CACNG8: variants seen among roughly 807,000 people sequenced by gnomAD.
CACNG8 encodes the protein voltage-dependent calcium channel gamma-8 subunit.
In CACNG8, 5 loss-of-function variants were observed where a neutral mutation model predicts 26.9. That is an observed-to-expected ratio of 0.19 (90% CI 0.10 to 0.39). The LOEUF (loss-of-function observed/expected upper bound fraction) is 0.39. Among genes scored for constraint, CACNG8 ranks in the 10% least tolerant of loss-of-function variants. The pLI, the probability that CACNG8 is intolerant of heterozygous loss-of-function variation, is 1.00. For missense variants in CACNG8, 473 were observed against 609.4 expected (o/e 0.78, Z 2.36); for synonymous variants, 321 against 296.7 (o/e 1.08, Z -0.84).
intron 1 of CACNG8, among the ~76,000 whole-genome samples, chr19:53,973,805 G>A (rs968826372): frequency 1.8e-4 from 27 of 151,818 alleles, no homozygotes; most frequent in Admixed American, 1.8e-3. Flanking sequence ...CAGCCTGGTC[G>A]ACAGAGTGAG....
At chr19:53,963,702 C>A (rs776687022) in intron 1 of CACNG8, among the ~76,000 whole-genome samples, 2 of 152,022 alleles carry the variant, frequency 1.3e-5, no homozygotes, top group Non-Finnish European at 2.9e-5. Context: ...TTCCCTAGTC[C>A]GTGTCTCCTG....
At chr19:53,977,157 A>G (rs1038434765) in intron 1 of CACNG8, among the ~76,000 whole-genome samples, 1 of 152,148 alleles carries the variant, frequency 6.6e-6, no homozygotes, top group Non-Finnish European at 1.5e-5. Context: ...AAACTGACCC[A>G]AGTTCGGTGG....
In CACNG8 at chr19:53,969,354, A is replaced by G. The variant is rs114521349; in HGVS notation, c.283+5929A>G. ...AGAAGAAGTGAAGCTCAGAGAGGTG[A>G]AGTGAGTTGCCCAAGATCACACAGT... On this transcript the variant is annotated intron_variant, in intron 1 of 3. Transcript: ENST00000270458. 9.2e-3 allele frequency among the ~76,000 whole-genome samples: 1,396 copies of G among 152,162 alleles called. 24 individuals are homozygous for G. The highest frequency in any genetic ancestry group is 0.032 in the African/African-American group (1,318 of 41,500).
intron 3 of CACNG8, among the ~76,000 whole-genome samples, chr19:53,981,403 C>T (rs2069367455): frequency 6.6e-6 from 1 of 150,926 alleles, no homozygotes; most frequent in Non-Finnish European, 1.5e-5. Flanking sequence ...GGGCCTGGAC[C>T]GCTTGGGGTG....
chr19:53,972,346 C>T, intron 1 of CACNG8, among the ~76,000 whole-genome samples: 2 of 137,910 alleles, frequency 1.5e-5, no homozygotes, highest in African/African-American at 5.5e-5. Context: ...TTTCTTTCTT[C>T]TCTTTTCTTC....
At position 53,982,117 on chromosome 19, in the gene CACNG8, C is replaced by A; in HGVS notation, c.546C>A (p.Ser182=). 6.2e-7 allele frequency: 1 copy of A among 1,605,694 alleles called. No individual in the cohort carries two copies. Among genetic ancestry groups the A allele is most frequent in the Non-Finnish European group, 8.5e-7 (1 of 1,176,422 alleles). Residue 182 remains serine (S), a synonymous_variant, in exon 4 of 4, where the codon TCC becomes TCA. Transcript: ENST00000270458. This position sits in a 1 kb window ranked among gnomAD's most constrained non-coding sequence, Gnocchi z 8.4. Reference sequence around the variant, plus strand: ...TCATCGGCGTGATCGTGTACATCTCCGCCAACGCGGGCGAGCCGGGCCCGA... The same window carrying A: ...TCATCGGCGTGATCGTGTACATCTCAGCCAACGCGGGCGAGCCGGGCCCGA...
rs57220250 is a variant in CACNG8 at position 53,988,271 on chromosome 19, A to AGTGTGTGTGTGTGT, written c.*5443_*5456dup. The AGTGTGTGTGTGTGT allele has an allele frequency of 7.6e-5, 11 of 144,250 alleles. No homozygotes were observed. Among genetic ancestry groups the AGTGTGTGTGTGTGT allele is most frequent in the African/African-American group, 2.4e-4 (9 of 37,874 alleles). 8.9% of individuals were successfully genotyped at this position (144,250 alleles called of 1,614,324 possible). Reference sequence around the variant, plus strand: ...GACAGAAGGAAAGGGAATTCAGGCAAGTGTGTGTGTGTGTGTGTGTGTGTG... The same window carrying AGTGTGTGTGTGTGT: ...GACAGAAGGAAAGGGAATTCAGGCAAGTGTGTGTGTGTGTGTGTGTGTGTGTGTGTGTGTGTGTG... On this transcript the variant is annotated 3_prime_UTR_variant, in exon 4 of 4. Coordinates refer to ENST00000270458, the MANE Select transcript of CACNG8 (RefSeq NM_031895.6).
chr19:53,983,877 C>T lies in CACNG8; in HGVS notation c.*1028C>T, dbSNP rs1263062693. On this transcript the variant is annotated 3_prime_UTR_variant, in exon 4 of 4. Transcript: ENST00000270458. Reference sequence around the variant, plus strand: ...GGGGATCAAGGTGAGGCCGGAGACACAGACAGGGCCAGATTGTGCAGGGGC... The same window carrying T: ...GGGGATCAAGGTGAGGCCGGAGACATAGACAGGGCCAGATTGTGCAGGGGC... The T allele has an allele frequency of 2.0e-5, 3 of 152,694 alleles. No homozygotes were observed. Among genetic ancestry groups the T allele is most frequent in the African/African-American group, 7.2e-5 (3 of 41,454 alleles). 9.5% of individuals were successfully genotyped at this position (152,694 alleles called of 1,614,324 possible). A position where few individuals can be genotyped will look rare whatever the true frequency, so the allele number is the denominator to read the frequency against.
intron 1 of CACNG8, among the ~76,000 whole-genome samples, chr19:53,972,554 G>A (rs12463378): frequency 0.35 from 53,113 of 150,738 alleles, 9,769 homozygotes; most frequent in Middle Eastern, 0.52. Context: ...AAGAGACAGG[G>A]TTTCACCACA....
intron 1 of CACNG8, among the ~76,000 whole-genome samples, chr19:53,975,726 C>T (rs117814943): frequency 0.014 from 2,140 of 152,308 alleles, 24 homozygotes; most frequent in Non-Finnish European, 0.019. Flanking sequence ...ACTCAATATG[C>T]ACTAGGCACT....
At position 53,989,439 on chromosome 19, in the gene CACNG8, G is replaced by C. The variant is rs2069427245; in HGVS notation, c.*6590G>C. On this transcript the variant is annotated 3_prime_UTR_variant, in exon 4 of 4. Coordinates refer to ENST00000270458, the MANE Select transcript of CACNG8 (RefSeq NM_031895.6). The stretch of plus-strand genomic sequence containing the variant: ...GAGACGTAAGCCGGAGAAAGACCCA[G>C]AGATTCGCATAGAAAGCAACGTGGA... The C allele has an allele frequency of 6.6e-6, 1 of 152,644 alleles. No individual in the cohort carries two copies. The highest frequency in any genetic ancestry group is 2.1e-4 in the South Asian group (1 of 4,798). The allele number at this position is 152,644 out of a possible 1,614,324, so 9.5% of individuals were successfully genotyped here. A position where few individuals can be genotyped will look rare whatever the true frequency, so the allele number is the denominator to read the frequency against.
chr19:53,980,049 GGCGC>G lies in CACNG8; in HGVS notation c.508+45_508+48del, dbSNP rs1568801620. 2.6e-6 allele frequency: 4 copies of G among 1,557,894 alleles called. No individual in the cohort carries two copies. The South Asian group carries it at 4.7e-5, about 18-fold the overall frequency. ...GGGGGCGACCGGGGCGGCCCACCTG[GGCGC>G]GCACGTGTGTGTGTGTGTGTGTGTG... On this transcript the variant is annotated intron_variant, in intron 3 of 3. Coordinates refer to ENST00000270458, the MANE Select transcript of CACNG8 (RefSeq NM_031895.6).
chr19:53,982,044 T>C lies in CACNG8; in HGVS notation c.509-36T>C. 1.3e-6 allele frequency: 2 copies of C among 1,482,892 alleles called. No homozygotes were observed. The highest frequency in any genetic ancestry group is 1.3e-5 in the South Asian group (1 of 76,206). The allele number at this position is 1,482,892 out of a possible 1,614,324, so 91.9% of individuals were successfully genotyped here. A position where few individuals can be genotyped will look rare whatever the true frequency, so the allele number is the denominator to read the frequency against. On this transcript the variant is annotated intron_variant, in intron 3 of 3. Transcript: ENST00000270458. The surrounding 1 kb of genome is among the most constrained non-coding windows in gnomAD (Gnocchi z 8.4). The stretch of plus-strand genomic sequence containing the variant: ...CCGGGGGCGGGGGCGGGGCCGGGGG[T>C]GGCCTCGAGGCTCCCGTCTGACCGT...
intron 1 of CACNG8, among the ~76,000 whole-genome samples, chr19:53,972,022 T>G (rs981317814): frequency 6.6e-6 from 1 of 152,106 alleles, no homozygotes; most frequent in Non-Finnish European, 1.5e-5. Context: ...TCTCTCTCTG[T>G]CCCCCAGGCT....
At position 53,963,225 on chromosome 19, in the gene CACNG8, C is replaced by T; in HGVS notation, c.83C>T (p.Ala28Val). 1 of 1,608,440 alleles carries T rather than the reference C, an allele frequency of 6.2e-7. No individual in the cohort carries two copies. Among genetic ancestry groups the T allele is most frequent in the Non-Finnish European group, 8.5e-7 (1 of 1,178,370 alleles). ...CAGGTGCTGCTGACGACGGTGGGCG[C>T]CTTCGCCGCCTTCGGCCTCATGACC... The change falls in exon 1 of 4, where the codon GCC becomes GTC. Residue 28 changes from alanine (A) to valine (V), a missense_variant. By Grantham distance (64) the Ala-to-Val change is moderately conservative. Around this residue, in one of 6 missense-constraint regions of CACNG8, gnomAD observed 10 missense variants for 34.7 expected, o/e 0.29. Coordinates refer to ENST00000270458, the MANE Select transcript of CACNG8 (RefSeq NM_031895.6).
At position 53,983,513 on chromosome 19, in the gene CACNG8, A is replaced by T. The variant is rs1191068942; in HGVS notation, c.*664A>T. 4 of 152,196 alleles carry T rather than the reference A, an allele frequency of 2.6e-5. No homozygotes were observed. The highest frequency in any genetic ancestry group is 7.2e-5 in the African/African-American group (3 of 41,444). 9.4% of individuals were successfully genotyped at this position (152,196 alleles called of 1,614,324 possible). ...ATTTGTGCGCCTTAAAAAGCTAGGC[A>T]TTGTGCTCCGTGCTCAGCGTGCAGG... On this transcript the variant is annotated 3_prime_UTR_variant, in exon 4 of 4. Transcript: ENST00000270458.
Position 53,986,887 on chromosome 19 carries a change from G to A in CACNG8, c.*4038G>A, listed in dbSNP as rs1197037341. 6.6e-6 allele frequency: 1 copy of A among 152,308 alleles called. No homozygotes were observed. The highest frequency in any genetic ancestry group is 1.5e-5 in the Non-Finnish European group (1 of 68,180). 9.4% of individuals were successfully genotyped at this position (152,308 alleles called of 1,614,324 possible). On this transcript the variant is annotated 3_prime_UTR_variant, in exon 4 of 4. Coordinates refer to ENST00000270458, the MANE Select transcript of CACNG8 (RefSeq NM_031895.6). ...AGAGGCAGCCCCAAAGCCCAGAAAA[G>A]TAGCAGGTCTTCGAGGAGGCCTGTG...
chr19:53,981,949 C>A, intron 3 of CACNG8, 131 bp from the exon 4 acceptor site: 1 of 986,856 alleles, frequency 1.0e-6, no homozygotes, highest in Non-Finnish European at 1.4e-6. Context: ...GTCTAGACCA[C>A]TCGGGGTGGG....
intron 1 of CACNG8, among the ~76,000 whole-genome samples, chr19:53,965,753 C>T (rs1413039471): frequency 6.7e-6 from 1 of 149,836 alleles, no homozygotes; most frequent in Non-Finnish European, 1.5e-5. Flanking sequence ...TTAGATAGAA[C>T]TGAGTGCTAA....
Sources: gnomAD v4.1 joint callset for allele counts (sites outside exome capture counted in the v4.1 genomes callset) on GRCh38, gnomAD v4.1.1 for gene constraint, gnomAD v4.1.1 regional missense constraint, Gnocchi (gnomAD v3.1) non-coding constraint, MANE v1.5 for transcripts, NCBI Gene and HGNC (gene_info 2026-07-23, HGNC 2026-07-21) for gene names.